FGD4: variants seen among roughly 807,000 people sequenced by gnomAD.
The protein encoded by FGD4 is FYVE, RhoGEF and PH domain-containing protein 4.
A neutral mutation model predicts 102.0 loss-of-function variants in FGD4; 42 were observed. The ratio of observed to expected loss-of-function variants is 0.41; its 90% CI spans 0.32 to 0.53. The LOEUF (loss-of-function observed/expected upper bound fraction) is 0.53, where lower values mean the gene tolerates loss of function less well. FGD4 is among the 20% of genes least tolerant of loss of function. The pLI is 0.21. For synonymous variants in FGD4, 380 were observed against 375.7 expected, an observed-to-expected ratio of 1.01 and a Z score of -0.13; for missense variants, 902 against 1,078.2, an observed-to-expected ratio of 0.84 and a Z score of 2.29.
At chr12:32,469,736 C>A (rs556199074) in intron 1 of FGD4, among the ~76,000 whole-genome samples, 2 of 151,232 alleles carry the variant, frequency 1.3e-5, no homozygotes, top group African/African-American at 4.9e-5. Flanking sequence ...CTCGACTCAT[C>A]GCAACCTCTG....
intron 4 of FGD4, among the ~76,000 whole-genome samples, chr12:32,583,863 A>T (rs1338207417): frequency 1.3e-5 from 2 of 152,252 alleles, no homozygotes; most frequent in African/African-American, 4.8e-5. Context: ...GTGAACCATG[A>T]TGGAAGGAAG....
At chr12:32,591,499 T>C (rs920990506) in intron 4 of FGD4, among the ~76,000 whole-genome samples, 28 of 152,218 alleles carry the variant, frequency 1.8e-4, no homozygotes, top group African/African-American at 2.4e-5. Flanking sequence ...ATCATAATTG[T>C]TTTTAGCATT....
Position 32,602,241 on chromosome 12 carries a change from T to G in FGD4, c.1328T>G (p.Phe443Cys), listed in dbSNP as rs775127429. 6.2e-7 allele frequency: 1 copy of G among 1,614,066 alleles called. No homozygotes were observed. The highest frequency in any genetic ancestry group is 1.3e-5 in the African/African-American group (1 of 74,940). Residue 443 changes from phenylalanine (F) to cysteine (C), a missense_variant, in exon 7 of 17, where the codon TTT becomes TGT. This residue lies in a region of FGD4 where 459 missense variants were observed against 619.0 expected (regional missense o/e 0.74). Transcript: ENST00000534526. The stretch of plus-strand genomic sequence containing the variant: ...ATGTATGGAGAATATGTGAAAGGAT[T>G]TGATAATGCAATGGAATTGGTTAAA... ...LKMYGEYVKG[F>C]DNAMELVKNM...
intron 1 of FGD4, among the ~76,000 whole-genome samples, chr12:32,471,606 G>A (rs1437087990): frequency 6.6e-6 from 1 of 152,188 alleles, no homozygotes; most frequent in Non-Finnish European, 1.5e-5. Flanking sequence ...CTAAAGCTTA[G>A]TAGCTTCAAT....
At chr12:32,594,143 G>A (rs533576505) in intron 4 of FGD4, among the ~76,000 whole-genome samples, 34 of 152,304 alleles carry the variant, frequency 2.2e-4, no homozygotes, top group Non-Finnish European at 4.0e-4. Context: ...CTGGTCTGTG[G>A]CCTGTTAGGG....
chr12:32,589,051 C>A (rs2136497618), intron 4 of FGD4, among the ~76,000 whole-genome samples: 1 of 152,326 alleles, frequency 6.6e-6, no homozygotes, highest in South Asian at 2.1e-4. Context: ...TTACTTCAAC[C>A]TCCCTGTGCC....
At chr12:32,575,497 C>T (rs750422760) in intron 2 of FGD4, among the ~76,000 whole-genome samples, 3 of 152,132 alleles carry the variant, frequency 2.0e-5, no homozygotes, top group Non-Finnish European at 4.4e-5. Flanking sequence ...CCAAGCCATA[C>T]GTGAGGGATC....
chr12:32,530,643 A>G (rs1485939338), intron 1 of FGD4, among the ~76,000 whole-genome samples: 5 of 152,216 alleles, frequency 3.3e-5, no homozygotes, highest in African/African-American at 1.2e-4. Flanking sequence ...CTGTGAGTTC[A>G]GTGGCATGGA....
intron 1 of FGD4, among the ~76,000 whole-genome samples, chr12:32,472,977 C>T (rs1231874155): frequency 6.6e-6 from 1 of 151,990 alleles, no homozygotes; most frequent in African/African-American, 2.4e-5. Context: ...CACCAATCAG[C>T]ACCCTGTGTT....
chr12:32,565,288 A>C (rs1318487782), intron 2 of FGD4, among the ~76,000 whole-genome samples: 2 of 152,196 alleles, frequency 1.3e-5, no homozygotes, highest in Non-Finnish European at 2.9e-5. Context: ...TTCTCACTAC[A>C]ATTATATTTG....
rs1948313934 is a variant in FGD4 at position 32,600,519 on chromosome 12, C to T, written c.1102-759C>T. 9 of 1,160,100 alleles carry T rather than the reference C, an allele frequency of 7.8e-6. No individual in the cohort carries two copies. The Admixed American group carries it at 1.0e-4, about 13-fold the overall frequency. The allele number at this position is 1,160,100 out of a possible 1,614,324, so 71.9% of individuals were successfully genotyped here. A position where few individuals can be genotyped will look rare whatever the true frequency, so the allele number is the denominator to read the frequency against. On this transcript the variant is annotated intron_variant, in intron 5 of 16. Transcript: ENST00000534526. ...GAATGGCAATTAAGAGGTATAGTAG[C>T]CCTAGTGAAGTATAGCTAAGACTGA...
chr12:32,484,997 G>A (rs1372758861), intron 1 of FGD4, among the ~76,000 whole-genome samples: 1 of 152,206 alleles, frequency 6.6e-6, no homozygotes, highest in Non-Finnish European at 1.5e-5. Context: ...AACCTTCTAT[G>A]CTCAAGTGAT....
At chr12:32,576,748 C>T (rs1946158005) in intron 3 of FGD4, among the ~76,000 whole-genome samples, 1 of 152,148 alleles carries the variant, frequency 6.6e-6, no homozygotes, top group African/African-American at 2.4e-5. Context: ...GTGTCATTCT[C>T]TATGTGTTAC....
chr12:32,445,404 CT>C (rs1401161322), intron 1 of FGD4, among the ~76,000 whole-genome samples: 1 of 152,064 alleles, frequency 6.6e-6, no homozygotes, highest in Non-Finnish European at 1.5e-5. Flanking sequence ...GGAAATTTGA[CT>C]TTGATTTACT....
chr12:32,570,198 G>A lies in FGD4; in HGVS notation c.319+5909G>A, dbSNP rs541351301. Among the ~76,000 whole-genome samples, 27 of 132,126 alleles carry A rather than the reference G, an allele frequency of 2.0e-4. No homozygotes were observed. In the East Asian group the frequency reaches 6.1e-3, roughly 30 times the overall value. The allele number at this position is 132,126 out of a possible 152,430, so 86.7% of individuals were successfully genotyped here. On this transcript the variant is annotated intron_variant, in intron 2 of 16. Coordinates refer to ENST00000534526, the MANE Select transcript of FGD4 (RefSeq NM_001370298.3). ...GGAGGTTGCAGTGAGCTGAGATCGC[G>A]CCATTGCACTCCAGCCTGGGCGATG...
At chr12:32,431,308 A>G (rs1347444322) in intron 1 of FGD4, among the ~76,000 whole-genome samples, 2 of 152,126 alleles carry the variant, frequency 1.3e-5, no homozygotes, top group Non-Finnish European at 2.9e-5. Context: ...TGTATCACTG[A>G]TACATGCAAA....
At chr12:32,446,625 G>T (rs1942623729) in intron 1 of FGD4, among the ~76,000 whole-genome samples, 1 of 152,128 alleles carries the variant, frequency 6.6e-6, no homozygotes, top group African/African-American at 2.4e-5. Context: ...CAGGGAAGAA[G>T]AGGCATGGAA....
chr12:32,481,165 G>A (rs887774712), intron 1 of FGD4, among the ~76,000 whole-genome samples: 6 of 113,406 alleles, frequency 5.3e-5, no homozygotes, highest in East Asian at 8.3e-4. Context: ...AAAGCCGGGC[G>A]CAGTGGCTCA....
At position 32,399,778 on chromosome 12, in the gene FGD4, G is replaced by C. The variant is rs980774218; in HGVS notation, c.-16G>C. On this transcript the variant is annotated 5_prime_UTR_variant, in exon 1 of 17. Transcript: ENST00000534526. ...GGAGCGGGAGGAGTCGGGGAGCGGC[G>C]GTCGAGCCCGGCAGGATGAGCGACG... The C allele has an allele frequency of 3.9e-6, 6 of 1,528,728 alleles. No homozygotes were observed. In the African/African-American group the frequency reaches 7.0e-5, roughly 18 times the overall value. The allele number at this position is 1,528,728 out of a possible 1,614,324, so 94.7% of individuals were successfully genotyped here.
Sources: allele counts gnomAD v4.1 joint callset (sites outside exome capture counted in the v4.1 genomes callset), GRCh38; gene constraint gnomAD v4.1.1; regional missense constraint gnomAD v4.1.1; transcripts MANE v1.5; gene names NCBI Gene and HGNC (gene_info 2026-07-23, HGNC 2026-07-21).